The following MACROD2 variants were observed in gnomAD, a reference collection of about 807,000 sequenced individuals.
MACROD2 encodes mono-ADP ribosylhydrolase 2.
MACROD2 carries 36 observed loss-of-function variants against 70.4 expected under a neutral mutation model. That is an observed-to-expected ratio of 0.51 (90% CI 0.39 to 0.68). The LOEUF (loss-of-function observed/expected upper bound fraction) is 0.68. Ranked by LOEUF, MACROD2 falls within the 30% of genes least tolerant of loss-of-function variation. The pLI is 0.00. For synonymous variants in MACROD2, 172 were observed against 178.8 expected (o/e 0.96, Z 0.30); for missense variants, 496 against 538.4 (o/e 0.92, Z 0.78).
chr20:15,440,800 TC>T (rs1415481065), intron 7 of MACROD2, among the ~76,000 whole-genome samples: 2 of 152,208 alleles, frequency 1.3e-5, no homozygotes, highest in Non-Finnish European at 2.9e-5. Flanking sequence ...CTCTCCTCCT[TC>T]CTTTGGCTTT....
intron 12 of MACROD2, among the ~76,000 whole-genome samples, chr20:15,940,005 T>C (rs915680344): frequency 6.6e-6 from 1 of 152,174 alleles, no homozygotes; most frequent in African/African-American, 2.4e-5. Flanking sequence ...AAATGAGAAG[T>C]TGCATCTTAT....
chr20:15,550,480 A>G (rs1415800366), intron 8 of MACROD2, among the ~76,000 whole-genome samples: 2 of 152,074 alleles, frequency 1.3e-5, no homozygotes, highest in Non-Finnish European at 2.9e-5. Context: ...AGTTAGTCCC[A>G]TTATTTGTAA....
At chr20:15,145,009 G>A (rs1010377016) in intron 5 of MACROD2, among the ~76,000 whole-genome samples, 1 of 152,072 alleles carries the variant, frequency 6.6e-6, no homozygotes, top group African/African-American at 2.4e-5. Flanking sequence ...GTGGTGCCTG[G>A]CAACTGTTTG....
chr20:14,129,465 T>C (rs1215502165), intron 3 of MACROD2, among the ~76,000 whole-genome samples: 1 of 152,232 alleles, frequency 6.6e-6, no homozygotes, highest in Admixed American at 6.5e-5. Flanking sequence ...AGATGGAATC[T>C]AGTCCTGGTG....
At chr20:14,222,249 C>G (rs75634694) in intron 3 of MACROD2, among the ~76,000 whole-genome samples, 78 of 152,180 alleles carry the variant, frequency 5.1e-4, no homozygotes, top group African/African-American at 1.8e-3. Context: ...TGTCCATTAA[C>G]ATATGATTTA....
At chr20:14,931,935 G>A (rs1049798547) in intron 5 of MACROD2, among the ~76,000 whole-genome samples, 4 of 150,816 alleles carry the variant, frequency 2.7e-5, no homozygotes, top group Non-Finnish European at 5.9e-5. Flanking sequence ...CCAGGAGTTC[G>A]AGACTGCAGT....
intron 5 of MACROD2, among the ~76,000 whole-genome samples, chr20:15,070,236 G>C (rs1450142615): frequency 6.6e-6 from 1 of 152,162 alleles, no homozygotes; most frequent in African/African-American, 2.4e-5. Flanking sequence ...CCCAATGCCA[G>C]TTCTACCATT....
At chr20:14,544,899 T>C (rs1289022312) in intron 4 of MACROD2, among the ~76,000 whole-genome samples, 2 of 152,144 alleles carry the variant, frequency 1.3e-5, no homozygotes, top group African/African-American at 4.8e-5. Flanking sequence ...TCCACTTGCA[T>C]AGGCAGAGTG....
intron 12 of MACROD2, among the ~76,000 whole-genome samples, chr20:15,965,213 G>T (rs1325882425): frequency 6.6e-6 from 1 of 152,130 alleles, no homozygotes; most frequent in African/African-American, 2.4e-5. Context: ...GCATTATGTA[G>T]AAACATATCA....
At chr20:14,285,334 A>G (rs74739160) in intron 3 of MACROD2, among the ~76,000 whole-genome samples, 2 of 152,338 alleles carry the variant, frequency 1.3e-5, no homozygotes, top group South Asian at 2.1e-4. Flanking sequence ...GCATGAAACA[A>G]TATATTGAAC....
intron 6 of MACROD2, among the ~76,000 whole-genome samples, chr20:15,259,526 A>T (rs139387620): frequency 5.4e-4 from 82 of 152,146 alleles, no homozygotes; most frequent in African/African-American, 1.6e-3. Context: ...TTTTTAAGTT[A>T]GAAAATCAGA....
At chr20:13,997,340 G>T (rs1171003819) in intron 1 of MACROD2, among the ~76,000 whole-genome samples, 2 of 152,106 alleles carry the variant, frequency 1.3e-5, no homozygotes, top group Non-Finnish European at 2.9e-5. Context: ...TTTCAACAAG[G>T]ATTTGCCTTG....
intron 8 of MACROD2, among the ~76,000 whole-genome samples, chr20:15,847,368 A>G (rs186149218): frequency 1.3e-5 from 2 of 152,308 alleles, no homozygotes; most frequent in East Asian, 3.9e-4. Context: ...CCATTTGCAT[A>G]TCTTTGTAAT....
At chr20:14,940,135 A>C in intron 5 of MACROD2, among the ~76,000 whole-genome samples, 1 of 116,724 alleles carries the variant, frequency 8.6e-6, no homozygotes, top group Admixed American at 1.1e-4. Context: ...ACATATGGAA[A>C]CCCTCATCTC....
chr20:15,698,078 G>T (rs1359288179), intron 8 of MACROD2, among the ~76,000 whole-genome samples: 1 of 152,144 alleles, frequency 6.6e-6, no homozygotes, highest in Non-Finnish European at 1.5e-5. Flanking sequence ...GAAATGTGAG[G>T]TACCATTGCA....
intron 6 of MACROD2, among the ~76,000 whole-genome samples, chr20:15,396,043 G>T (rs991540381): frequency 4.6e-5 from 7 of 152,258 alleles, no homozygotes; most frequent in African/African-American, 1.7e-4. Context: ...AGCTTAATTT[G>T]TTCATCCTTC....
chr20:15,324,396 C>T (rs1334363746), intron 6 of MACROD2, among the ~76,000 whole-genome samples: 1 of 152,168 alleles, frequency 6.6e-6, no homozygotes, highest in African/African-American at 2.4e-5. Context: ...GTATACAACA[C>T]CCCAATTCAG....
intron 6 of MACROD2, among the ~76,000 whole-genome samples, chr20:15,415,577 T>C (rs1174846816): frequency 1.3e-5 from 2 of 152,250 alleles, no homozygotes; most frequent in East Asian, 3.8e-4. Context: ...CTATGGATAA[T>C]TTTTATTTTG....
intron 10 of MACROD2, among the ~76,000 whole-genome samples, chr20:15,907,615 T>A (rs1384368815): frequency 6.6e-6 from 1 of 152,202 alleles, no homozygotes; most frequent in Non-Finnish European, 1.5e-5. Flanking sequence ...TTATTGTAAG[T>A]GTTAAAATAC....
Sources: allele counts gnomAD v4.1 joint callset (sites outside exome capture counted in the v4.1 genomes callset), GRCh38; gene constraint gnomAD v4.1.1; transcripts MANE v1.5; gene names NCBI Gene and HGNC (gene_info 2026-07-23, HGNC 2026-07-21).